The following SMG7 variants were observed in gnomAD, a reference collection of about 807,000 sequenced individuals.
SMG7 encodes the protein SMG7 nonsense mediated mRNA decay factor.
Under a neutral mutation model 148.2 loss-of-function variants are expected in SMG7, and 34 were observed. The ratio of observed to expected loss-of-function variants is 0.23; its 90% CI spans 0.17 to 0.31. The LOEUF (loss-of-function observed/expected upper bound fraction) is 0.31, where lower values mean the gene tolerates loss of function less well. Ranked by LOEUF, SMG7 falls within the 10% of genes least tolerant of loss-of-function variation. The pLI is 1.00. For synonymous variants in SMG7, 492 were observed against 515.1 expected, an observed-to-expected ratio of 0.96 and a Z score of 0.61; for missense variants, 1,114 against 1,408.4, an observed-to-expected ratio of 0.79 and a Z score of 3.35.
intron 12 of SMG7, 78 bp from the exon 13 acceptor site, chr1:183,540,906 T>C: frequency 7.2e-7 from 1 of 1,397,676 alleles, no homozygotes. Context: ...GCCATTACAG[T>C]TAATCAGGTG....
At chr1:183,530,049 G>T (rs1666583798) in intron 8 of SMG7, among the ~76,000 whole-genome samples, 1 of 152,064 alleles carries the variant, frequency 6.6e-6, no homozygotes, top group Non-Finnish European at 1.5e-5. Flanking sequence ...TCTTTTATTA[G>T]TATGTTAAGA....
chr1:183,476,019 A>T (rs1258146832), intron 1 of SMG7, among the ~76,000 whole-genome samples: 1 of 152,226 alleles, frequency 6.6e-6, no homozygotes, highest in African/African-American at 2.4e-5. Flanking sequence ...AAATTAAAAC[A>T]AGTGTTAGAA....
intron 1 of SMG7, among the ~76,000 whole-genome samples, chr1:183,496,876 T>C (rs1356837190): frequency 6.6e-6 from 1 of 152,198 alleles, no homozygotes; most frequent in Non-Finnish European, 1.5e-5. Flanking sequence ...AGTTTGTGAA[T>C]TTGTGTTGGG....
intron 1 of SMG7, among the ~76,000 whole-genome samples, chr1:183,494,915 G>A (rs1658096676): frequency 6.6e-6 from 1 of 151,364 alleles, no homozygotes; most frequent in South Asian, 2.1e-4. Context: ...CCACAACCTT[G>A]CCTCCCGGGT....
chr1:183,531,520 T>A (rs546882370), intron 8 of SMG7, among the ~76,000 whole-genome samples: 1 of 152,304 alleles, frequency 6.6e-6, no homozygotes, highest in East Asian at 1.9e-4. Context: ...AGGTTGTTCA[T>A]TCACTAAGTG....
At chr1:183,498,518 C>T (rs943653348) in intron 1 of SMG7, among the ~76,000 whole-genome samples, 3 of 152,142 alleles carry the variant, frequency 2.0e-5, no homozygotes, top group Non-Finnish European at 2.9e-5. Flanking sequence ...AAACAAAAAA[C>T]AAAAAACACT....
At chr1:183,551,648 A>G (rs977925044) in intron 22 of SMG7, among the ~76,000 whole-genome samples, 170 bp from the exon 23 acceptor site, 1 of 152,240 alleles carries the variant, frequency 6.6e-6, no homozygotes, top group Non-Finnish European at 1.5e-5. Context: ...ATGGAAACTA[A>G]CTAGCTTTAA....
Position 183,528,915 on chromosome 1 carries a change from A to C in SMG7, c.580A>C (p.Ile194Leu), listed in dbSNP as rs1220467396. 1 of 1,613,378 alleles carries C rather than the reference A, an allele frequency of 6.2e-7. No homozygotes were observed. Among genetic ancestry groups the C allele is most frequent in the Non-Finnish European group, 8.5e-7 (1 of 1,179,562 alleles). ...SNGQPYNQLA[I>L]LASSKGDHLT... ...AGGTCAGCCTTATAATCAGTTGGCT[A>C]TCTTAGCTTCTTCCAAAGGAGACCA... is the stretch of plus-strand genomic sequence containing the variant. The change falls in exon 7 of 23, where the codon ATC becomes CTC. Residue 194 changes from isoleucine (I) to leucine (L), a missense_variant. Transcript: ENST00000688051.
intron 1 of SMG7, among the ~76,000 whole-genome samples, chr1:183,492,484 G>A (rs779125765): frequency 2.6e-5 from 4 of 152,128 alleles, no homozygotes; most frequent in Non-Finnish European, 5.9e-5. Context: ...TTGAAATCAG[G>A]TAATCTAAGT....
chr1:183,476,717 C>G (rs535871896), intron 1 of SMG7, among the ~76,000 whole-genome samples: 1 of 151,918 alleles, frequency 6.6e-6, no homozygotes, highest in Non-Finnish European at 1.5e-5. Flanking sequence ...GACAAGACTT[C>G]TAAGAGAATC....
In SMG7 at chr1:183,477,400, G is replaced by T. The variant is rs564556976; in HGVS notation, c.29+4751G>T. Among the ~76,000 whole-genome samples the T allele has an allele frequency of 4.7e-3, 575 of 122,110 alleles. 1 individual carries two copies. Among genetic ancestry groups the T allele is most frequent in the African/African-American group, 0.014 (541 of 37,542 alleles). 80.1% of individuals were successfully genotyped at this position (122,110 alleles called of 152,430 possible). A position where few individuals can be genotyped will look rare whatever the true frequency, so the allele number is the denominator to read the frequency against. On this transcript the variant is annotated intron_variant, in intron 1 of 22. Coordinates refer to ENST00000688051, the MANE Select transcript of SMG7 (RefSeq NM_001375584.1). Reference sequence around the variant, plus strand: ...GTCCAGAAAGTATCTGTTTTGTTTTGTGTGTGTGTGTGTGTGTGTATGTGT... The same window carrying T: ...GTCCAGAAAGTATCTGTTTTGTTTTTTGTGTGTGTGTGTGTGTGTATGTGT...
chr1:183,546,941 C>T (rs569268569), intron 17 of SMG7, among the ~76,000 whole-genome samples, 162 bp from the exon 18 acceptor site: 2 of 152,356 alleles, frequency 1.3e-5, no homozygotes, highest in South Asian at 2.1e-4. Flanking sequence ...GTCCTTGTGT[C>T]GCTTTGCCTT....
chr1:183,544,777 T>G (rs369488271), intron 15 of SMG7, among the ~76,000 whole-genome samples, 153 bp from the exon 16 acceptor site: 29 of 152,208 alleles, frequency 1.9e-4, no homozygotes, highest in African/African-American at 6.8e-4. Context: ...CTATTTTTAG[T>G]TCTTCAAATC....
rs766877953 is a variant in SMG7, at chr1:183,549,835, A to T, written c.3045A>T (p.Glu1015Asp). The T allele has an allele frequency of 2.5e-6, 4 of 1,613,658 alleles. No individual in the cohort carries two copies. The East Asian group carries it at 8.9e-5, about 36-fold the overall frequency. ...GKNLTSSSKA[E>D]LSPSMAPQET... ...ACCTGACATCCAGCTCCAAAGCAGAACTCAGTCCCTCAATGGCCCCCCAGG... is the reference window on the plus strand; with the variant it reads ...ACCTGACATCCAGCTCCAAAGCAGATCTCAGTCCCTCAATGGCCCCCCAGG... Residue 1015 changes from glutamate to aspartate, a missense_variant, in exon 20 of 23, where the codon GAA becomes GAT. Physicochemically the swap from Glu to Asp is conservative, Grantham distance 45 (BLOSUM62 2). Around this residue, in one of 4 missense-constraint regions of SMG7, gnomAD observed 788 missense variants for 894.5 expected, o/e 0.88. Transcript: ENST00000688051.
At chr1:183,551,701 G>A (rs1572126424) in intron 22 of SMG7, 117 bp from the exon 23 acceptor site, 2 of 596,076 alleles carry the variant, frequency 3.4e-6, no homozygotes, top group East Asian at 3.1e-5. Context: ...TTTTTATGGG[G>A]AGTGGGGTTG....
In SMG7 at chr1:183,510,993, GA is replaced by G. The variant is rs987300789; in HGVS notation, c.30-1833del. Among the ~76,000 whole-genome samples the G allele has an allele frequency of 1.8e-3, 251 of 141,064 alleles. 1 individual carries two copies. Among genetic ancestry groups the G allele is most frequent in the African/African-American group, 5.9e-3 (228 of 38,624 alleles). The allele number at this position is 141,064 out of a possible 152,430, so 92.5% of individuals were successfully genotyped here. ...GCAACAGAGCGAGACTCCGTCTTAA[GA>G]AAAAAAAAAATGGAAATCTCAGCCT... is the stretch of plus-strand genomic sequence containing the variant. On this transcript the variant is annotated intron_variant, in intron 1 of 22. Coordinates refer to ENST00000688051, the MANE Select transcript of SMG7 (RefSeq NM_001375584.1).
intron 1 of SMG7, among the ~76,000 whole-genome samples, chr1:183,479,032 G>A (rs563732513): frequency 5.9e-4 from 90 of 152,266 alleles, no homozygotes; most frequent in African/African-American, 1.6e-3. Context: ...AATTTTGGCA[G>A]GTATGTCACA....
At position 183,545,028 on chromosome 1, in the gene SMG7, C is replaced by A. The variant is rs1265591457; in HGVS notation, c.2086C>A (p.Leu696Ile). 1 of 1,614,020 alleles carries A rather than the reference C, an allele frequency of 6.2e-7. No homozygotes were observed. Among genetic ancestry groups the A allele is most frequent in the Non-Finnish European group, 8.5e-7 (1 of 1,179,974 alleles). Residue 696 changes from leucine (L) to isoleucine (I), a missense_variant, in exon 16 of 23, where the codon CTT becomes ATT. Physicochemically the swap from Leu to Ile is conservative, Grantham distance 5. This residue lies in a region of SMG7 where 788 missense variants were observed against 894.5 expected (regional missense o/e 0.88). Coordinates refer to ENST00000688051, the MANE Select transcript of SMG7 (RefSeq NM_001375584.1). ...PAGVSVPGTFLQPTAHSPAGN... is the reference protein window; with the variant it reads ...PAGVSVPGTFIQPTAHSPAGN... ...TGGTGTTTCTGTCCCAGGAACCTTT[C>A]TTCAGCCTACAGCTCACTCTCCAGC...
intron 1 of SMG7, among the ~76,000 whole-genome samples, chr1:183,500,480 A>G (rs1659481367): frequency 1.3e-5 from 2 of 152,088 alleles, no homozygotes; most frequent in African/African-American, 4.8e-5. Context: ...TTATTGAGAA[A>G]CTGTTTAGTC....
Sources: gnomAD v4.1 joint callset for allele counts (sites outside exome capture counted in the v4.1 genomes callset) on GRCh38, gnomAD v4.1.1 for gene constraint, gnomAD v4.1.1 regional missense constraint, MANE v1.5 for transcripts, NCBI Gene and HGNC (gene_info 2026-07-23, HGNC 2026-07-21) for gene names.